ANKRD11: variants seen among roughly 807,000 people sequenced by gnomAD.
The protein encoded by ANKRD11 is ankyrin repeat domain-containing protein 11.
ANKRD11 carries 17 observed loss-of-function variants against 195.7 expected under a neutral mutation model. The observed-to-expected ratio is 0.09, with a 90% confidence interval of 0.06 to 0.13. The LOEUF (loss-of-function observed/expected upper bound fraction) is 0.13, where lower values mean the gene tolerates loss of function less well. Among genes scored for constraint, ANKRD11 ranks in the 10% least tolerant of loss-of-function variants. The pLI, the probability that ANKRD11 is intolerant of heterozygous loss-of-function variation, is 1.00. For missense variants in ANKRD11, 3,735 were observed against 3,566.1 expected (o/e 1.05, Z -1.21); for synonymous variants, 1,953 against 1,528.1 (o/e 1.28, Z -6.49).
At chr16:89,437,955 G>C (rs971534596) in intron 1 of ANKRD11, among the ~76,000 whole-genome samples, 2 of 152,184 alleles carry the variant, frequency 1.3e-5, no homozygotes, top group African/African-American at 4.8e-5. Context: ...CTCATCTGTA[G>C]AAAGAAAAAT....
chr16:89,471,290 G>A lies in ANKRD11; in HGVS notation c.-145+18955C>T, dbSNP rs556375035. ...TAGCGATTTCCAAATCACAGCTTTC[G>A]AGGAACTGTGTGCAAAACCTAAAAG... is the stretch of plus-strand genomic sequence containing the variant. On this transcript the variant is annotated intron_variant, in intron 1 of 12. Transcript: ENST00000301030. Among the ~76,000 whole-genome samples, 6 of 152,208 alleles carry A rather than the reference G, an allele frequency of 3.9e-5. No individual in the cohort carries two copies. The East Asian group carries it at 5.8e-4, about 15-fold the overall frequency.
At chr16:89,353,154 C>T (rs1256009729) in intron 2 of ANKRD11, among the ~76,000 whole-genome samples, 2 of 151,994 alleles carry the variant, frequency 1.3e-5, no homozygotes, top group Non-Finnish European at 2.9e-5. Flanking sequence ...CCAGCCTGGC[C>T]AATATGGTGA....
rs749141968 is a variant in ANKRD11, at chr16:89,280,961, T to C, written c.5581A>G (p.Lys1861Glu). Residue 1861 changes from lysine to glutamate, a missense_variant, in exon 9 of 13, where the codon AAA becomes GAA. Coordinates refer to ENST00000301030, the MANE Select transcript of ANKRD11 (RefSeq NM_013275.6). ...YSPDYGLPSP[K>E]VDALHCPPAA... ...GGTGGGCAGTGCAAAGCGTCGACTTTGGGCGACGGGAGGCCATAGTCTGGG... is the reference window on the plus strand; with the variant it reads ...GGTGGGCAGTGCAAAGCGTCGACTTCGGGCGACGGGAGGCCATAGTCTGGG... 5.7e-6 allele frequency: 9 copies of C among 1,572,708 alleles called. No individual in the cohort carries two copies. Among genetic ancestry groups the C allele is most frequent in the Middle Eastern group, 1.7e-4 (1 of 5,854 alleles).
chr16:89,468,751 G>A (rs145952434), intron 1 of ANKRD11, among the ~76,000 whole-genome samples: 2 of 152,192 alleles, frequency 1.3e-5, no homozygotes, highest in Admixed American at 6.5e-5. Context: ...TGTGGCCCCT[G>A]CTTCTGCTGC....
chr16:89,362,718 G>A (rs2039783412), intron 2 of ANKRD11, among the ~76,000 whole-genome samples: 1 of 152,206 alleles, frequency 6.6e-6, no homozygotes. Flanking sequence ...CCACAATTTA[G>A]CCTAAGTATC....
At chr16:89,305,120 G>A (rs2036103513) in intron 4 of ANKRD11, 86 bp downstream of exon 4, 6 of 1,559,340 alleles carry the variant, frequency 3.8e-6, no homozygotes, top group Non-Finnish European at 4.3e-6. Context: ...TGCAAAGCCG[G>A]AGGTGCGGGG....
At chr16:89,422,152 T>C (rs867723334) in intron 1 of ANKRD11, 3 of 152,106 alleles carry the variant, frequency 2.0e-5, no homozygotes, top group Middle Eastern at 3.4e-3. Flanking sequence ...GGGTAAAAAG[T>C]TAAAGTTACC....
At chr16:89,409,972 T>G (rs1195049056) in intron 2 of ANKRD11, among the ~76,000 whole-genome samples, 3 of 152,122 alleles carry the variant, frequency 2.0e-5, no homozygotes, top group African/African-American at 7.2e-5. Flanking sequence ...CCTGAGTAGC[T>G]GGGACTACAG....
intron 9 of ANKRD11, chr16:89,277,654 C>A (rs977267616): frequency 6.6e-6 from 1 of 152,290 alleles, no homozygotes; most frequent in African/African-American, 2.4e-5. Context: ...CCGGGGACGG[C>A]TGGGGTCAGG....
Position 89,280,812 on chromosome 16 carries a change from G to A in ANKRD11, c.5730C>T (p.Asp1910=), listed in dbSNP as rs750468331. The A allele has an allele frequency of 1.9e-6, 3 of 1,604,908 alleles. No homozygotes were observed. Among genetic ancestry groups the A allele is most frequent in the East Asian group, 2.2e-5 (1 of 44,600 alleles). Residue 1910 remains aspartate (D), a synonymous_variant, in exon 9 of 13, where the codon GAC becomes GAT. Coordinates refer to ENST00000301030, the MANE Select transcript of ANKRD11 (RefSeq NM_013275.6). ...VPSLEGALPP[D]LDTSEDQQAT... ...CCTGCTGGTCCTCGGAGGTGTCCAG[G>A]TCCGGGGGAAGGGCCCCTTCGAGGG... is the stretch of plus-strand genomic sequence containing the variant.
At chr16:89,331,249 C>A (rs2038051952) in intron 2 of ANKRD11, among the ~76,000 whole-genome samples, 1 of 152,180 alleles carries the variant, frequency 6.6e-6, no homozygotes, top group Admixed American at 6.5e-5. Context: ...CCACTGCGCC[C>A]GGCCTGATGA....
chr16:89,448,022 C>A lies in ANKRD11; in HGVS notation c.-144-29654G>T, dbSNP rs141104464. 2.5e-3 allele frequency among the ~76,000 whole-genome samples: 378 copies of A among 152,130 alleles called. 3 individuals carry two copies. Among genetic ancestry groups the A allele is most frequent in the African/African-American group, 8.2e-3 (342 of 41,484 alleles). ...GTTTCACCATATTGGTCAGGCTGGT[C>A]TCCAACTCCTGACCTCAGGTGATCC... On this transcript the variant is annotated intron_variant, in intron 1 of 12. Transcript: ENST00000301030.
chr16:89,480,181 A>G (rs1421542194), intron 1 of ANKRD11, among the ~76,000 whole-genome samples: 1 of 151,904 alleles, frequency 6.6e-6, no homozygotes, highest in Non-Finnish European at 1.5e-5. Flanking sequence ...CCTTTTTAAA[A>G]ATCCTAACTT....
intron 2 of ANKRD11, among the ~76,000 whole-genome samples, chr16:89,395,325 T>A (rs553942246): frequency 1.3e-5 from 2 of 152,312 alleles, no homozygotes; most frequent in Admixed American, 6.5e-5. Context: ...GGGAGCAGCG[T>A]CGGTGTGGAA....
intron 2 of ANKRD11, among the ~76,000 whole-genome samples, chr16:89,357,428 T>A (rs552026829): frequency 2.6e-5 from 4 of 151,930 alleles, no homozygotes; most frequent in Non-Finnish European, 5.9e-5. Flanking sequence ...TGGGAACATA[T>A]AATGGTGCAA....
At chr16:89,381,986 G>A (rs1436549071) in intron 2 of ANKRD11, among the ~76,000 whole-genome samples, 3 of 152,190 alleles carry the variant, frequency 2.0e-5, no homozygotes, top group African/African-American at 4.8e-5. Flanking sequence ...GTCTGAGATC[G>A]TTTAACTAAA....
rs748427842 is a variant in ANKRD11 at position 89,281,665 on chromosome 16, G to A, written c.4877C>T (p.Pro1626Leu). The change falls in exon 9 of 13, where the codon CCG becomes CTG. Residue 1626 changes from proline to leucine, a missense_variant. By Grantham distance (98) the Pro-to-Leu change is moderately conservative. Coordinates refer to ENST00000301030, the MANE Select transcript of ANKRD11 (RefSeq NM_013275.6). The surrounding 1 kb of genome is among the most constrained non-coding windows in gnomAD (Gnocchi z 5.5). ...GDPKLKEKAK[P>L]ADDGRKKGLD... is the part of the protein sequence containing the mutation. ...ACCCTTCTTCCGCCCGTCGTCTGCCGGCTTCGCCTTCTCCTTGAGCTTGGG... is the reference window on the plus strand; with the variant it reads ...ACCCTTCTTCCGCCCGTCGTCTGCCAGCTTCGCCTTCTCCTTGAGCTTGGG... 20 of 1,614,024 alleles carry A rather than the reference G, an allele frequency of 1.2e-5. No homozygotes were observed. The highest frequency in any genetic ancestry group is 4.5e-5 in the East Asian group (2 of 44,890).
In ANKRD11 at chr16:89,302,810, T is replaced by C. The variant is rs116501091; in HGVS notation, c.226+2396A>G. Among the ~76,000 whole-genome samples the C allele has an allele frequency of 7.8e-3, 1,189 of 152,252 alleles. 14 individuals are homozygous for C. Among genetic ancestry groups the C allele is most frequent in the African/African-American group, 0.027 (1,112 of 41,530 alleles). ...TACTGTTTTCCCACCTCACAGGGATTCTCACCTACCCTGTCCTCACCTAGG... is the reference window on the plus strand; with the variant it reads ...TACTGTTTTCCCACCTCACAGGGATCCTCACCTACCCTGTCCTCACCTAGG... On this transcript the variant is annotated intron_variant, in intron 4 of 12. Transcript: ENST00000301030.
chr16:89,270,554 G>A (rs2033053284), intron 12 of ANKRD11: 1 of 519,594 alleles, frequency 1.9e-6, no homozygotes, highest in Non-Finnish European at 3.5e-6. Context: ...TGACCATCAA[G>A]CCTAGGGTCC....
Sources: gnomAD v4.1 joint callset for allele counts (sites outside exome capture counted in the v4.1 genomes callset) on GRCh38, gnomAD v4.1.1 for gene constraint, Gnocchi (gnomAD v3.1) non-coding constraint, MANE v1.5 for transcripts, NCBI Gene and HGNC (gene_info 2026-07-23, HGNC 2026-07-21) for gene names.